Variants in CNKSR2 observed in about 807,000 individuals in gnomAD.
The protein encoded by CNKSR2 is CNK homolog protein 2.
A neutral mutation model predicts 84.4 loss-of-function variants in CNKSR2; 14 were observed. The ratio of observed to expected loss-of-function variants is 0.17; its 90% CI spans 0.11 to 0.26. The LOEUF is 0.26. CNKSR2 is among the 10% of genes least tolerant of loss of function. The pLI, the probability that CNKSR2 is intolerant of heterozygous loss-of-function variation, is 1.00. For synonymous variants in CNKSR2, 275 were observed against 277.9 expected (o/e 0.99, Z 0.10); for missense variants, 485 against 771.2 (o/e 0.63, Z 4.40).
chrX:21,424,176 A>C (rs906901531), intron 1 of CNKSR2: 18 of 111,513 alleles, frequency 1.6e-4, no homozygotes, highest in African/African-American at 5.2e-4. Context: ...CTTTCTGTTT[A>C]CTTCCCATCC....
chrX:21,444,748 T>A (rs2090829768), intron 4 of CNKSR2, among the ~76,000 whole-genome samples: 1 of 108,987 alleles, frequency 9.2e-6, no homozygotes, highest in Admixed American at 9.9e-5. Flanking sequence ...AGATCTCATT[T>A]CTAAAATGTG....
intron 20 of CNKSR2, among the ~76,000 whole-genome samples, chrX:21,637,705 C>T (rs1405032615): frequency 1.8e-5 from 2 of 111,573 alleles, no homozygotes; most frequent in Non-Finnish European, 3.8e-5. Context: ...GTCTCCAATA[C>T]TTACATAGAG....
At chrX:21,546,942 A>T (rs2092032084) in intron 11 of CNKSR2, among the ~76,000 whole-genome samples, 1 of 112,301 alleles carries the variant, frequency 8.9e-6, no homozygotes, top group African/African-American at 3.2e-5. Context: ...CTAAATATGG[A>T]AAAGAAAAAC....
chrX:21,570,265 G>A (rs1482946508), intron 13 of CNKSR2, among the ~76,000 whole-genome samples: 4 of 112,524 alleles, frequency 3.6e-5, no homozygotes, highest in Admixed American at 9.4e-5. Flanking sequence ...TAGATCTTCC[G>A]GATAACTTGC....
At chrX:21,495,974 T>C (rs1601863282) in intron 6 of CNKSR2, among the ~76,000 whole-genome samples, 1 of 109,277 alleles carries the variant, frequency 9.2e-6, no homozygotes, top group African/African-American at 3.3e-5. Flanking sequence ...TACAGCCTAC[T>C]ACAAACCTAG....
chrX:21,475,660 G>A (rs2091252857), intron 5 of CNKSR2, among the ~76,000 whole-genome samples: 1 of 111,051 alleles, frequency 9.0e-6, no homozygotes, highest in East Asian at 2.8e-4. Flanking sequence ...AACTGTCTTA[G>A]CCTAAACCCT....
Position 21,543,906 on chromosome X carries a change from T to A in CNKSR2, c.1303+11839T>A, listed in dbSNP as rs755174805. On this transcript the variant is annotated intron_variant, in intron 11 of 21. Coordinates refer to ENST00000379510, the MANE Select transcript of CNKSR2 (RefSeq NM_014927.5). ...GGCATGATCTCGGCTCACTGCAACCTCCACCTCTCGGGTTCAAGCAATTCT... is the reference window on the plus strand; with the variant it reads ...GGCATGATCTCGGCTCACTGCAACCACCACCTCTCGGGTTCAAGCAATTCT... 6.3e-5 allele frequency among the ~76,000 whole-genome samples: 7 copies of A among 111,007 alleles called. No homozygotes were observed. In the South Asian group the frequency reaches 2.7e-3, roughly 43 times the overall value.
intron 4 of CNKSR2, among the ~76,000 whole-genome samples, chrX:21,462,055 A>AT (rs1247717144): frequency 9.1e-6 from 1 of 110,242 alleles, no homozygotes; most frequent in African/African-American, 3.3e-5. Context: ...TTTTTTTTCT[A>AT]TTTTTTCTAT....
At chrX:21,385,259 C>A (rs896178594) in intron 1 of CNKSR2, among the ~76,000 whole-genome samples, 1 of 111,433 alleles carries the variant, frequency 9.0e-6, no homozygotes, top group Non-Finnish European at 1.9e-5. Flanking sequence ...AAGTTTTCTC[C>A]TTTTTATAAA....
chrX:21,593,704 A>G (rs1340299786), intron 15 of CNKSR2: 1 of 111,672 alleles, frequency 9.0e-6, no homozygotes, highest in Non-Finnish European at 1.9e-5. Context: ...ATTTTATTCC[A>G]TTTTCCAGGT....
chrX:21,528,585 C>T (rs1391248803), intron 10 of CNKSR2, among the ~76,000 whole-genome samples: 1 of 110,351 alleles, frequency 9.1e-6, no homozygotes, highest in Non-Finnish European at 1.9e-5. Flanking sequence ...ATTATAAAGG[C>T]TATATATTGA....
intron 4 of CNKSR2, among the ~76,000 whole-genome samples, chrX:21,470,413 C>T (rs1382664761): frequency 9.0e-6 from 1 of 111,195 alleles, no homozygotes; most frequent in East Asian, 2.8e-4. Flanking sequence ...ATGTTAGGGA[C>T]ATTTCAACAG....
intron 20 of CNKSR2, among the ~76,000 whole-genome samples, chrX:21,632,359 A>C (rs2092651733): frequency 8.9e-6 from 1 of 111,744 alleles, no homozygotes; most frequent in African/African-American, 3.3e-5. Flanking sequence ...CATTCCTCAT[A>C]TGGCTAAAAC....
chrX:21,417,280 G>A (rs370378070), intron 1 of CNKSR2, among the ~76,000 whole-genome samples: 31 of 112,060 alleles, frequency 2.8e-4, no homozygotes, highest in African/African-American at 1.0e-3. Context: ...CAGAGAAGAT[G>A]CTTGAGAGGA....
intron 9 of CNKSR2, among the ~76,000 whole-genome samples, chrX:21,522,442 G>C (rs914409023): frequency 4.5e-5 from 5 of 110,929 alleles, no homozygotes; most frequent in African/African-American, 1.3e-4. Context: ...TATGTCATTG[G>C]TTTCATTCAA....
At position 21,469,951 on chromosome X, in the gene CNKSR2, T is replaced by C. The variant is rs746069614; in HGVS notation, c.520-815T>C. ...ATAAAATAGTGACATTAATACATGGTTAAAATGTATTTATCACTTAATGTA... is the reference window on the plus strand; with the variant it reads ...ATAAAATAGTGACATTAATACATGGCTAAAATGTATTTATCACTTAATGTA... On this transcript the variant is annotated intron_variant, in intron 4 of 21. Transcript: ENST00000379510. Among the ~76,000 whole-genome samples the C allele has an allele frequency of 2.7e-5, 3 of 112,258 alleles. No individual in the cohort carries two copies. The East Asian group carries it at 8.4e-4, about 31-fold the overall frequency.
intron 20 of CNKSR2, among the ~76,000 whole-genome samples, chrX:21,613,416 CG>C (rs1255350665): frequency 9.0e-6 from 1 of 111,582 alleles, no homozygotes; most frequent in Non-Finnish European, 1.9e-5. Flanking sequence ...TTCATTTACT[CG>C]GTGAAGTCAT....
chrX:21,524,367 T>C (rs1009284959), intron 9 of CNKSR2, among the ~76,000 whole-genome samples: 3 of 111,223 alleles, frequency 2.7e-5, no homozygotes, highest in Non-Finnish European at 3.8e-5. Flanking sequence ...ACTTGTTATG[T>C]ATTTAAGCAT....
chrX:21,563,314 G>T lies in CNKSR2; in HGVS notation c.1470G>T (p.Lys490Asn). Residue 490 changes from lysine (K) to asparagine (N), a missense_variant, in exon 13 of 22, where the codon AAG becomes AAT. Transcript: ENST00000379510. ...EEYMFQRNSK[K>N]DTGKKSKKKG... ...ACATGTTTCAGAGAAACAGCAAAAAGGACACAGGGAAGAAGTCAAAAAAGA... is the reference window on the plus strand; with the variant it reads ...ACATGTTTCAGAGAAACAGCAAAAATGACACAGGGAAGAAGTCAAAAAAGA... The T allele has an allele frequency of 8.3e-7, 1 of 1,209,755 alleles. No homozygotes were observed. The highest frequency in any genetic ancestry group is 2.3e-4 in the Middle Eastern group (1 of 4,344).
Sources: allele counts gnomAD v4.1 joint callset (sites outside exome capture counted in the v4.1 genomes callset), GRCh38; gene constraint gnomAD v4.1.1; transcripts MANE v1.5; gene names NCBI Gene and HGNC (gene_info 2026-07-23, HGNC 2026-07-21).